Variants in FAR2 observed in about 807,000 individuals in gnomAD.
The protein encoded by FAR2 is epididymis secretory protein Li 81.
FAR2 carries 19 observed loss-of-function variants against 56.0 expected under a neutral mutation model. That is an observed-to-expected ratio of 0.34 (90% CI 0.24 to 0.50). The LOEUF (loss-of-function observed/expected upper bound fraction) is 0.50, where lower values mean the gene tolerates loss of function less well. Among genes scored for constraint, FAR2 ranks in the 20% least tolerant of loss-of-function variants. The pLI is 0.98. For synonymous variants in FAR2, 219 were observed against 218.8 expected (o/e 1.00, Z -0.01); for missense variants, 508 against 642.2 (o/e 0.79, Z 2.26).
chr12:29,325,314 C>A lies in FAR2; in HGVS notation c.1257+3390C>A, dbSNP rs958743067. 1.2e-4 allele frequency among the ~76,000 whole-genome samples: 19 copies of A among 152,276 alleles called. No individual in the cohort carries two copies. The South Asian group carries it at 2.3e-3, about 18-fold the overall frequency. ...ACAATAATAATGGGGGACTTTAACACCCCACTGTCAACATTAGACAGATCA... is the reference window on the plus strand; with the variant it reads ...ACAATAATAATGGGGGACTTTAACAACCCACTGTCAACATTAGACAGATCA... On this transcript the variant is annotated intron_variant, in intron 10 of 11. Coordinates refer to ENST00000536681, the MANE Select transcript of FAR2 (RefSeq NM_001271783.2).
intron 10 of FAR2, among the ~76,000 whole-genome samples, chr12:29,322,529 C>A (rs1441288683): frequency 6.6e-6 from 1 of 152,196 alleles, no homozygotes; most frequent in Non-Finnish European, 1.5e-5. Context: ...CAGTTTAATT[C>A]CTTAGCACCA....
chr12:29,291,036 T>C (rs1285172577), intron 2 of FAR2, among the ~76,000 whole-genome samples: 1 of 152,212 alleles, frequency 6.6e-6, no homozygotes, highest in Non-Finnish European at 1.5e-5. Flanking sequence ...CTTGAAGGGA[T>C]AGATACCCCT....
At chr12:29,300,342 C>T (rs938699195) in intron 4 of FAR2, among the ~76,000 whole-genome samples, 1 of 152,090 alleles carries the variant, frequency 6.6e-6, no homozygotes, top group African/African-American at 2.4e-5. Context: ...CCCAGCAACC[C>T]CTCACCAACT....
intron 1 of FAR2, among the ~76,000 whole-genome samples, chr12:29,167,606 C>T (rs184707328): frequency 7.3e-4 from 111 of 152,296 alleles, no homozygotes; most frequent in South Asian, 5.2e-3. Flanking sequence ...TCAATTGTTA[C>T]GTCATTATCC....
intron 1 of FAR2, among the ~76,000 whole-genome samples, chr12:29,202,368 C>T (rs1947427044): frequency 6.6e-6 from 1 of 152,178 alleles, no homozygotes; most frequent in African/African-American, 2.4e-5. Context: ...AACTTCTAGA[C>T]TCCTCAAAAA....
At chr12:29,198,638 T>A (rs1182392168) in intron 1 of FAR2, among the ~76,000 whole-genome samples, 1 of 152,220 alleles carries the variant, frequency 6.6e-6, no homozygotes, top group Non-Finnish European at 1.5e-5. Context: ...GTTTTGATTT[T>A]TTTTCCTTTT....
At chr12:29,289,874 A>G (rs1948937048) in intron 2 of FAR2, among the ~76,000 whole-genome samples, 1 of 152,216 alleles carries the variant, frequency 6.6e-6, no homozygotes, top group Non-Finnish European at 1.5e-5. Flanking sequence ...TCAAAAAATG[A>G]GCAAAATATT....
chr12:29,196,478 G>A (rs914737187), intron 1 of FAR2, among the ~76,000 whole-genome samples: 2 of 152,056 alleles, frequency 1.3e-5, no homozygotes, highest in South Asian at 4.1e-4. Context: ...TTGGCCATGT[G>A]TATGTCTTCT....
intron 1 of FAR2, among the ~76,000 whole-genome samples, chr12:29,203,292 G>A (rs1320673463): frequency 1.3e-5 from 2 of 152,196 alleles, no homozygotes; most frequent in African/African-American, 4.8e-5. Context: ...TTAAAATAAA[G>A]TAATTCTCCT....
chr12:29,168,008 G>A (rs148009695), intron 1 of FAR2, among the ~76,000 whole-genome samples: 28 of 152,210 alleles, frequency 1.8e-4, no homozygotes, highest in East Asian at 1.7e-3. Flanking sequence ...AAACAGTGTC[G>A]TCAAAATAAA....
At chr12:29,183,133 A>G (rs978030765) in intron 1 of FAR2, among the ~76,000 whole-genome samples, 1 of 152,098 alleles carries the variant, frequency 6.6e-6, no homozygotes, top group African/African-American at 2.4e-5. Flanking sequence ...TTGTCAGTAT[A>G]TCGTTTTAGA....
At chr12:29,152,294 A>T (rs577473578) in intron 1 of FAR2, among the ~76,000 whole-genome samples, 2 of 152,256 alleles carry the variant, frequency 1.3e-5, no homozygotes, top group Non-Finnish European at 2.9e-5. Flanking sequence ...TGATCAAGTC[A>T]TCCTTTAAAA....
intron 1 of FAR2, among the ~76,000 whole-genome samples, chr12:29,174,863 G>T (rs1470184311): frequency 2.0e-5 from 3 of 152,198 alleles, no homozygotes; most frequent in African/African-American, 7.2e-5. Flanking sequence ...GACTTTGAGA[G>T]TTCCACTCAT....
chr12:29,331,210 C>CA (rs1949726947), intron 10 of FAR2, among the ~76,000 whole-genome samples: 1 of 142,116 alleles, frequency 7.0e-6, no homozygotes, highest in Non-Finnish European at 1.5e-5. Context: ...TAAAGATAGG[C>CA]TTTTTTTTTT....
chr12:29,225,278 T>A (rs999924711), intron 1 of FAR2, among the ~76,000 whole-genome samples: 2 of 152,172 alleles, frequency 1.3e-5, no homozygotes, highest in Non-Finnish European at 2.9e-5. Context: ...GTTAACTTTG[T>A]AAATAAAGAA....
At chr12:29,215,545 A>T (rs150873564) in intron 1 of FAR2, among the ~76,000 whole-genome samples, 1 of 152,330 alleles carries the variant, frequency 6.6e-6, no homozygotes, top group East Asian at 1.9e-4. Flanking sequence ...TTTCTTGGAA[A>T]CAGTAATTTA....
chr12:29,321,941 C>T lies in FAR2; in HGVS notation c.1257+17C>T, dbSNP rs745778527. On this transcript the variant is annotated intron_variant, in intron 10 of 11. Coordinates refer to ENST00000536681, the MANE Select transcript of FAR2 (RefSeq NM_001271783.2). ...GACCAGAGAGTAAGTAGAGCACTGA[C>T]TTAAGCACCAGGAAAATGCTACTCA... 1 of 1,596,780 alleles carries T rather than the reference C, an allele frequency of 6.3e-7. No homozygotes were observed. Among genetic ancestry groups the T allele is most frequent in the Non-Finnish European group, 8.5e-7 (1 of 1,172,562 alleles).
chr12:29,270,388 T>C, intron 1 of FAR2, 24 bp from the exon 2 acceptor site: 1 of 1,447,278 alleles, frequency 6.9e-7, no homozygotes. Flanking sequence ...GATGTAATCT[T>C]TTGTTATTTC....
At chr12:29,254,195 A>C (rs977721998) in intron 1 of FAR2, among the ~76,000 whole-genome samples, 1 of 152,212 alleles carries the variant, frequency 6.6e-6, no homozygotes, top group Non-Finnish European at 1.5e-5. Context: ...GGAACTTAAA[A>C]ATTCTCCTGG....
Sources: gnomAD v4.1 joint callset for allele counts (sites outside exome capture counted in the v4.1 genomes callset) on GRCh38, gnomAD v4.1.1 for gene constraint, MANE v1.5 for transcripts, NCBI Gene and HGNC (gene_info 2026-07-23, HGNC 2026-07-21) for gene names.